The following PIK3R5 variants were observed in gnomAD, a reference collection of about 807,000 sequenced individuals.
The protein encoded by PIK3R5 is phosphoinositide-3-kinase regulatory subunit 5, also known as phosphoinositide 3-kinase regulatory subunit 5.
In PIK3R5, 32 loss-of-function variants were observed where a neutral mutation model predicts 94.9. The ratio of observed to expected loss-of-function variants is 0.34; its 90% CI spans 0.25 to 0.45. PIK3R5 has a LOEUF of 0.45. PIK3R5 is among the 20% of genes least tolerant of loss of function. PIK3R5 has a pLI of 1.00. For synonymous variants in PIK3R5, 443 were observed against 479.4 expected, an observed-to-expected ratio of 0.92 and a Z score of 0.99; for missense variants, 853 against 1,144.6, an observed-to-expected ratio of 0.75 and a Z score of 3.68.
chr17:8,884,980 C>A lies in PIK3R5; in HGVS notation c.2129-197G>T. 1 of 593,680 alleles carries A rather than the reference C, an allele frequency of 1.7e-6. No homozygotes were observed. Among genetic ancestry groups the A allele is most frequent in the Non-Finnish European group, 3.0e-6 (1 of 328,556 alleles). 36.8% of individuals were successfully genotyped at this position (593,680 alleles called of 1,614,324 possible). A position where few individuals can be genotyped will look rare whatever the true frequency, so the allele number is the denominator to read the frequency against. On this transcript the variant is annotated intron_variant, in intron 14 of 18. Coordinates refer to ENST00000447110, the MANE Select transcript of PIK3R5 (RefSeq NM_001142633.3). This position sits in a 1 kb window ranked among gnomAD's most constrained non-coding sequence, Gnocchi z 5.8. ...GGGATCTCCACCTCCTCAGTGACCC[C>A]ATCACTCCAGGGCCCATCTCCGCTG... is the stretch of plus-strand genomic sequence containing the variant.
intron 3 of PIK3R5, among the ~76,000 whole-genome samples, chr17:8,907,506 A>C (rs566974119): frequency 1.3e-5 from 2 of 152,100 alleles, no homozygotes; most frequent in Non-Finnish European, 2.9e-5. Context: ...ATAGACTTTT[A>C]TGACCTTTGA....
rs111261572 is a variant in PIK3R5, at chr17:8,925,065, G to C, written c.-13-13558C>G. Among the ~76,000 whole-genome samples, 5 of 152,140 alleles carry C rather than the reference G, an allele frequency of 3.3e-5. No homozygotes were observed. The highest frequency in any genetic ancestry group is 4.8e-5 in the African/African-American group (2 of 41,424). On this transcript the variant is annotated intron_variant, in intron 1 of 18. Coordinates refer to ENST00000447110, the MANE Select transcript of PIK3R5 (RefSeq NM_001142633.3). The surrounding 1 kb of genome is among the most constrained non-coding windows in gnomAD (Gnocchi z 5.1). ...TGAATAGATAGATAGATAGTAGATGGATAGATGGATAGATAGATAGTGGAT... is the reference window on the plus strand; with the variant it reads ...TGAATAGATAGATAGATAGTAGATGCATAGATGGATAGATAGATAGTGGAT...
chr17:8,890,842 G>A lies in PIK3R5; in HGVS notation c.553C>T (p.Pro185Ser). ...TAGGCACTGTGAGGCGAGTGTCCGG[G>A]CGTACTCAGCTTATTGGCTACAGCA... ...FLAVANKLST[P>S]GHSPHSAYTT... is the part of the protein sequence containing the mutation. Residue 185 changes from proline (P) to serine (S), a missense_variant, in exon 7 of 19, where the codon CCC becomes TCC. Pro to Ser is a moderately conservative substitution (Grantham distance 74). Around this residue, in one of 6 missense-constraint regions of PIK3R5, gnomAD observed 161 missense variants for 249.5 expected, o/e 0.65. Coordinates refer to ENST00000447110, the MANE Select transcript of PIK3R5 (RefSeq NM_001142633.3). The surrounding 1 kb of genome is among the most constrained non-coding windows in gnomAD (Gnocchi z 6.1). 4.3e-6 allele frequency: 7 copies of A among 1,613,580 alleles called. No homozygotes were observed. Among genetic ancestry groups the A allele is most frequent in the Non-Finnish European group, 5.9e-6 (7 of 1,179,824 alleles).
Position 8,884,631 on chromosome 17 carries a change from C to T in PIK3R5, c.2205+76G>A. Reference sequence around the variant, plus strand: ...GGGGCCCAGGAACACACGAGTCCAGCTCTGGGTCCAAGCTCTGGCGGAGGA... The same window carrying T: ...GGGGCCCAGGAACACACGAGTCCAGTTCTGGGTCCAAGCTCTGGCGGAGGA... On this transcript the variant is annotated intron_variant, in intron 15 of 18. Transcript: ENST00000447110. This position sits in a 1 kb window ranked among gnomAD's most constrained non-coding sequence, Gnocchi z 5.8. 1 of 1,198,366 alleles carries T rather than the reference C, an allele frequency of 8.3e-7. No homozygotes were observed. The highest frequency in any genetic ancestry group is 2.4e-5 in the East Asian group (1 of 42,084). The allele number at this position is 1,198,366 out of a possible 1,614,324, so 74.2% of individuals were successfully genotyped here.
chr17:8,931,300 C>T (rs1336540896), intron 1 of PIK3R5, among the ~76,000 whole-genome samples: 1 of 152,072 alleles, frequency 6.6e-6, no homozygotes, highest in Admixed American at 6.5e-5. Context: ...TTCGAGAGTC[C>T]ACCCAAAAGA....
chr17:8,889,103 T>G lies in PIK3R5; in HGVS notation c.895+36A>C, dbSNP rs567627832. 1.0e-5 allele frequency: 16 copies of G among 1,591,036 alleles called. No homozygotes were observed. The South Asian group carries it at 1.8e-4, about 18-fold the overall frequency. ...GACCAGAAACACAGCTCAGGCAGTG[T>G]GGGGCATGGGTGTCACCAGGGCCCC... is the stretch of plus-strand genomic sequence containing the variant. On this transcript the variant is annotated intron_variant, in intron 9 of 18. Transcript: ENST00000447110. This position sits in a 1 kb window ranked among gnomAD's most constrained non-coding sequence, Gnocchi z 4.1.
In PIK3R5 at chr17:8,889,937, G is replaced by A. The variant is rs1567637669; in HGVS notation, c.811+36C>T. On this transcript the variant is annotated intron_variant, in intron 8 of 18. Transcript: ENST00000447110. The surrounding 1 kb of genome is among the most constrained non-coding windows in gnomAD (Gnocchi z 4.1). ...CTTGGGACCTAGAATAGGCCATGGGGAATGTGGGAGAACCCCATTCTCCCA... is the reference window on the plus strand; with the variant it reads ...CTTGGGACCTAGAATAGGCCATGGGAAATGTGGGAGAACCCCATTCTCCCA... 10 of 1,610,416 alleles carry A rather than the reference G, an allele frequency of 6.2e-6. No individual in the cohort carries two copies. Among genetic ancestry groups the A allele is most frequent in the African/African-American group, 1.3e-5 (1 of 74,934 alleles).
At chr17:8,914,003 T>C (rs7219379) in intron 1 of PIK3R5, among the ~76,000 whole-genome samples, 6,049 of 152,242 alleles carry the variant, frequency 0.04, 161 homozygotes, top group Middle Eastern at 0.072. Context: ...CTGCCTCCCA[T>C]GGCAGCCCGA....
chr17:8,888,217 A>C lies in PIK3R5; in HGVS notation c.1570T>G (p.Ser524Ala). 6.2e-7 allele frequency: 1 copy of C among 1,613,274 alleles called. No homozygotes were observed. The change falls in exon 10 of 19, where the codon TCC (serine) becomes GCC (alanine). Residue 524 changes from serine (S) to alanine (A), a missense_variant. This residue lies in a region of PIK3R5 where 319 missense variants were observed against 339.8 expected (regional missense o/e 0.94). Coordinates refer to ENST00000447110, the MANE Select transcript of PIK3R5 (RefSeq NM_001142633.3). This position sits in a 1 kb window ranked among gnomAD's most constrained non-coding sequence, Gnocchi z 7.8. ...GCCACCTTCCCTGAAATCCGATCGG[A>C]GCCAAAGACCACAACACGTAGCGTG... ...ASTLRVVVFG[S>A]DRISGKVARA...
At chr17:8,946,441 G>A (rs569248245) in intron 1 of PIK3R5, among the ~76,000 whole-genome samples, 4 of 151,750 alleles carry the variant, frequency 2.6e-5, no homozygotes, top group East Asian at 1.9e-4. Flanking sequence ...AGATGGCGCC[G>A]TCTGCCAGGC....
At position 8,892,836 on chromosome 17, in the gene PIK3R5, G is replaced by A. The variant is rs2090058928; in HGVS notation, c.482+750C>T. On this transcript the variant is annotated intron_variant, in intron 6 of 18. Transcript: ENST00000447110. The surrounding 1 kb of genome is among the most constrained non-coding windows in gnomAD (Gnocchi z 4.3). ...AGGTGGTGAAGGCCGGGGTCCCTGG[G>A]CTCCCAACATGTCAAGGTGAGACAG... is the stretch of plus-strand genomic sequence containing the variant. 2.0e-5 allele frequency among the ~76,000 whole-genome samples: 3 copies of A among 152,232 alleles called. No homozygotes were observed. Among genetic ancestry groups the A allele is most frequent in the Middle Eastern group, 3.4e-3 (1 of 294 alleles).
intron 1 of PIK3R5, among the ~76,000 whole-genome samples, chr17:8,964,049 G>A (rs559026277): frequency 1.3e-5 from 2 of 152,210 alleles, no homozygotes; most frequent in South Asian, 2.1e-4. Flanking sequence ...AAACATCCAC[G>A]GAGCATCTCC....
intron 15 of PIK3R5, among the ~76,000 whole-genome samples, chr17:8,883,890 C>G (rs930752750): frequency 4.6e-5 from 7 of 152,220 alleles, no homozygotes; most frequent in Non-Finnish European, 1.0e-4. Context: ...GTCTAGCAAG[C>G]ACCTGGCATG....
At position 8,905,617 on chromosome 17, in the gene PIK3R5, C is replaced by T. The variant is rs9891133; in HGVS notation, c.273+52G>A. ...TGAGGGCTCTGCCCCAGATAGAGGT[C>T]GCTCCTCCCCCTCCTCCCTCACCTC... On this transcript the variant is annotated intron_variant, in intron 4 of 18. Transcript: ENST00000447110. 1,610 of 1,382,696 alleles carry T rather than the reference C, an allele frequency of 1.2e-3. 19 individuals carry two copies. In the African/African-American group the frequency reaches 0.021, roughly 18 times the overall value. 85.7% of individuals were successfully genotyped at this position (1,382,696 alleles called of 1,614,324 possible).
At chr17:8,922,924 G>C (rs1241890093) in intron 1 of PIK3R5, among the ~76,000 whole-genome samples, 2 of 152,094 alleles carry the variant, frequency 1.3e-5, no homozygotes, top group African/African-American at 4.8e-5. Context: ...AAGAAGCAGA[G>C]GCAAGACTGC....
At position 8,893,478 on chromosome 17, in the gene PIK3R5, G is replaced by C; in HGVS notation, c.482+108C>G. 1.2e-6 allele frequency: 1 copy of C among 859,720 alleles called. No individual in the cohort carries two copies. Among genetic ancestry groups the C allele is most frequent in the East Asian group, 2.5e-5 (1 of 39,986 alleles). The allele number at this position is 859,720 out of a possible 1,614,324, so 53.3% of individuals were successfully genotyped here. ...TGTTTGTTGCTGGCTGGGGTGGACA[G>C]GGGGTGGGGGCACTGGATGTTTGAG... On this transcript the variant is annotated intron_variant, in intron 6 of 18. Transcript: ENST00000447110. The surrounding 1 kb of genome is among the most constrained non-coding windows in gnomAD (Gnocchi z 5.1).
chr17:8,924,489 T>C (rs1375470299), intron 1 of PIK3R5, among the ~76,000 whole-genome samples: 1 of 152,178 alleles, frequency 6.6e-6, no homozygotes, highest in African/African-American at 2.4e-5. Context: ...GCACTGTGAC[T>C]TCTAGATGCT....
intron 1 of PIK3R5, among the ~76,000 whole-genome samples, chr17:8,961,520 A>G (rs1043452721): frequency 6.6e-6 from 1 of 152,166 alleles, no homozygotes; most frequent in African/African-American, 2.4e-5. Flanking sequence ...CTGTAACTCC[A>G]GCTACTCGGG....
intron 3 of PIK3R5, among the ~76,000 whole-genome samples, chr17:8,907,064 G>A (rs546036682): frequency 1.6e-4 from 24 of 151,866 alleles, no homozygotes; most frequent in Non-Finnish European, 3.1e-4. Flanking sequence ...TCGCTCTGTC[G>A]CCAGGCTGGA....
Sources: gnomAD v4.1 joint callset for allele counts (sites outside exome capture counted in the v4.1 genomes callset) on GRCh38, gnomAD v4.1.1 for gene constraint, gnomAD v4.1.1 regional missense constraint, Gnocchi (gnomAD v3.1) non-coding constraint, MANE v1.5 for transcripts, NCBI Gene and HGNC (gene_info 2026-07-23, HGNC 2026-07-21) for gene names.